The following CDIP1 variants were observed in gnomAD, a reference collection of about 807,000 sequenced individuals.
CDIP1 encodes the protein cell death-inducing p53-target protein 1.
CDIP1 carries 9 observed loss-of-function variants against 17.7 expected under a neutral mutation model. The ratio of observed to expected loss-of-function variants is 0.51; its 90% CI spans 0.31 to 0.89. The LOEUF is 0.89. CDIP1 is among the 40% of genes least tolerant of loss of function. The pLI, the probability that CDIP1 is intolerant of heterozygous loss-of-function variation, is 0.05. For missense variants in CDIP1, 263 were observed against 277.9 expected (o/e 0.95, Z 0.38); for synonymous variants, 117 against 109.5 (o/e 1.07, Z -0.43).
chr16:4,523,755 G>A (rs2058974418), intron 1 of CDIP1: 1 of 152,342 alleles, frequency 6.6e-6, no homozygotes, highest in Non-Finnish European at 1.5e-5. Flanking sequence ...GAGACCAGCA[G>A]GCAAAGGGAG....
chr16:4,518,260 C>T (rs2058908584), intron 1 of CDIP1, among the ~76,000 whole-genome samples: 1 of 152,226 alleles, frequency 6.6e-6, no homozygotes, highest in Non-Finnish European at 1.5e-5. Flanking sequence ...ATCCTATGAT[C>T]TCCTAGAGCT....
At chr16:4,520,882 GTGAAGA>G (rs1200036376) in intron 1 of CDIP1, among the ~76,000 whole-genome samples, 2 of 152,180 alleles carry the variant, frequency 1.3e-5, no homozygotes, top group African/African-American at 4.8e-5. Context: ...TGTTCTTTAA[GTGAAGA>G]TGGAGTCCAT....
intron 1 of CDIP1, among the ~76,000 whole-genome samples, chr16:4,529,953 T>A (rs2059038439): frequency 6.6e-6 from 1 of 152,202 alleles, no homozygotes; most frequent in Admixed American, 6.5e-5. Context: ...AGTCCCCCTA[T>A]TCCGTGGGTC....
chr16:4,530,835 C>T (rs1195270496), intron 1 of CDIP1, among the ~76,000 whole-genome samples: 1 of 151,486 alleles, frequency 6.6e-6, no homozygotes, highest in Non-Finnish European at 1.5e-5. Context: ...AAGACTCTGC[C>T]TCAAAAAAAA....
At chr16:4,519,976 T>C (rs1222924728) in intron 1 of CDIP1, among the ~76,000 whole-genome samples, 2 of 152,186 alleles carry the variant, frequency 1.3e-5, no homozygotes, top group African/African-American at 4.8e-5. Context: ...AGGTAATTTA[T>C]AGCAACACAA....
At chr16:4,526,303 G>C (rs986616713) in intron 1 of CDIP1, among the ~76,000 whole-genome samples, 14 of 152,190 alleles carry the variant, frequency 9.2e-5, no homozygotes, top group South Asian at 2.1e-4. Flanking sequence ...TACTCGGGAG[G>C]CTGAGGCAGG....
chr16:4,522,646 TG>T lies in CDIP1; in HGVS notation c.-104-7983del, dbSNP rs1446329907. ...AAAGACAAACACTCTCTGTGCTTCTTGGGTCTGAAAAGAGAATGGCAAGGCC... is the reference window on the plus strand; with the variant it reads ...AAAGACAAACACTCTCTGTGCTTCTTGGTCTGAAAAGAGAATGGCAAGGCC... On this transcript the variant is annotated intron_variant, in intron 1 of 5. Coordinates refer to ENST00000567695, the MANE Select transcript of CDIP1 (RefSeq NM_013399.3). 4.6e-5 allele frequency: 7 copies of T among 152,404 alleles called. No homozygotes were observed. In the East Asian group the frequency reaches 1.4e-3, roughly 29 times the overall value. The allele number at this position is 152,404 out of a possible 1,614,324, so 9.4% of individuals were successfully genotyped here.
At chr16:4,537,052 C>A (rs141319000) in intron 1 of CDIP1, among the ~76,000 whole-genome samples, 2,195 of 152,208 alleles carry the variant, frequency 0.014, 28 homozygotes, top group Non-Finnish European at 0.022. Context: ...TTCTAAATAC[C>A]CAGGGCTTCC....
chr16:4,513,001 G>A lies in CDIP1; in HGVS notation c.305C>T (p.Pro102Leu). The A allele has an allele frequency of 2.5e-6, 4 of 1,590,200 alleles. No homozygotes were observed. The highest frequency in any genetic ancestry group is 3.4e-6 in the Non-Finnish European group (4 of 1,169,718). The change falls in exon 5 of 6, where the codon CCA (proline) becomes CTA (leucine). Residue 102 changes from proline to leucine, a missense_variant. Transcript: ENST00000567695. This position sits in a 1 kb window ranked among gnomAD's most constrained non-coding sequence, Gnocchi z 4.1. ...MGYYPPGPYTPGPYPGPGGHT... is the reference protein window; with the variant it reads ...MGYYPPGPYTLGPYPGPGGHT... ...GCCCCCAGGGCCAGGGTAGGGCCCT[G>A]GCGTGTAGGGCCCTGGGGGGTAGTA...
intron 1 of CDIP1, among the ~76,000 whole-genome samples, chr16:4,524,939 C>T (rs770411808): frequency 9.2e-5 from 14 of 151,970 alleles, no homozygotes; most frequent in Non-Finnish European, 1.5e-4. Flanking sequence ...CCCATCTCTA[C>T]AAAAAAATAA....
intron 1 of CDIP1, among the ~76,000 whole-genome samples, chr16:4,518,898 G>T (rs2058915575): frequency 6.6e-6 from 1 of 152,224 alleles, no homozygotes; most frequent in South Asian, 2.1e-4. Context: ...AGGTGCTGGT[G>T]AGGGAGGGGG....
intron 1 of CDIP1, among the ~76,000 whole-genome samples, chr16:4,519,636 G>T (rs1241883426): frequency 6.6e-6 from 1 of 152,196 alleles, no homozygotes; most frequent in Middle Eastern, 3.2e-3. Context: ...GACTGATGGT[G>T]AGGCTTAATG....
chr16:4,519,226 T>G (rs975368959), intron 1 of CDIP1, among the ~76,000 whole-genome samples: 1 of 152,206 alleles, frequency 6.6e-6, no homozygotes, highest in African/African-American at 2.4e-5. Flanking sequence ...TCCTCTGCTT[T>G]CACACCATAA....
rs920767481 is a variant in CDIP1 at position 4,527,244 on chromosome 16, C to T, written c.-105+11458G>A. ...CTGGGACTACAGGCGCCCGCCAACA[C>T]GCCTGGGTAATTTTTTGTATTTTTA... On this transcript the variant is annotated intron_variant, in intron 1 of 5. Transcript: ENST00000567695. Among the ~76,000 whole-genome samples the T allele has an allele frequency of 6.6e-5, 10 of 151,966 alleles. 1 individual carries two copies. The highest frequency in any genetic ancestry group is 4.6e-4 in the Admixed American group (7 of 15,238).
At chr16:4,516,260 G>C (rs967459031) in intron 1 of CDIP1, among the ~76,000 whole-genome samples, 1 of 152,158 alleles carries the variant, frequency 6.6e-6, no homozygotes, top group African/African-American at 2.4e-5. Flanking sequence ...GTTTAGGTCT[G>C]GGGGAGAGGG....
At chr16:4,538,083 C>T (rs2059128777) in intron 1 of CDIP1, among the ~76,000 whole-genome samples, 1 of 152,188 alleles carries the variant, frequency 6.6e-6, no homozygotes, top group Non-Finnish European at 1.5e-5. Context: ...CCACCCCTCC[C>T]CTCCCCGTCT....
At chr16:4,529,875 A>G (rs1215268694) in intron 1 of CDIP1, among the ~76,000 whole-genome samples, 1 of 152,262 alleles carries the variant, frequency 6.6e-6, no homozygotes, top group Non-Finnish European at 1.5e-5. Flanking sequence ...GTCTTAATTC[A>G]GACACAAATG....
intron 1 of CDIP1, among the ~76,000 whole-genome samples, chr16:4,535,181 G>A (rs918360658): frequency 1.1e-4 from 16 of 152,054 alleles, no homozygotes; most frequent in Admixed American, 9.2e-4. Flanking sequence ...CAGACACTGG[G>A]ACTAGATCTG....
At position 4,512,358 on chromosome 16, in the gene CDIP1, CT is replaced by C; in HGVS notation, c.*213del. The C allele has an allele frequency of 1.7e-6, 1 of 596,516 alleles. No homozygotes were observed. The highest frequency in any genetic ancestry group is 3.0e-6 in the Non-Finnish European group (1 of 331,626). The allele number at this position is 596,516 out of a possible 1,614,324, so 37.0% of individuals were successfully genotyped here. A position where few individuals can be genotyped will look rare whatever the true frequency, so the allele number is the denominator to read the frequency against. On this transcript the variant is annotated 3_prime_UTR_variant, in exon 6 of 6. Coordinates refer to ENST00000567695, the MANE Select transcript of CDIP1 (RefSeq NM_013399.3). The surrounding 1 kb of genome is among the most constrained non-coding windows in gnomAD (Gnocchi z 4.6). ...AACACACAAGCTCATTGTCAGCCCCCTGCCACCCACTGACCCTTGGCCTTAA... is the reference window on the plus strand; with the variant it reads ...AACACACAAGCTCATTGTCAGCCCCCGCCACCCACTGACCCTTGGCCTTAA...
Sources: allele counts gnomAD v4.1 joint callset (sites outside exome capture counted in the v4.1 genomes callset), GRCh38; gene constraint gnomAD v4.1.1; non-coding constraint Gnocchi (gnomAD v3.1); transcripts MANE v1.5; gene names NCBI Gene and HGNC (gene_info 2026-07-23, HGNC 2026-07-21).